Variants in ROBO2 observed in about 807,000 individuals in gnomAD.
ROBO2 encodes the protein roundabout homolog 2.
ROBO2 carries 53 observed loss-of-function variants against 160.8 expected under a neutral mutation model. The observed-to-expected ratio is 0.33, with a 90% confidence interval of 0.26 to 0.41. The LOEUF is 0.41. ROBO2 is among the 10% of genes least tolerant of loss of function. ROBO2 has a pLI of 1.00. For missense variants in ROBO2, 1,577 were observed against 1,722.4 expected (o/e 0.92, Z 1.49); for synonymous variants, 664 against 611.7 (o/e 1.09, Z -1.26).
At chr3:76,220,262 G>A (rs959627462) in intron 2 of ROBO2, among the ~76,000 whole-genome samples, 32 of 151,502 alleles carry the variant, frequency 2.1e-4, no homozygotes, top group Admixed American at 1.9e-3. Context: ...CACCAGCATG[G>A]CACATGTATA....
intron 1 of ROBO2, among the ~76,000 whole-genome samples, chr3:75,926,461 A>G (rs1456693118): frequency 6.6e-6 from 1 of 152,176 alleles, no homozygotes; most frequent in African/African-American, 2.4e-5. Context: ...TAGATTCACA[A>G]ATTGAAATTA....
chr3:77,574,486 CTA>C lies in ROBO2; in HGVS notation c.1972-11_1972-10del. On this transcript the variant is annotated splice_polypyrimidine_tract_variant and intron_variant, in intron 13 of 25. Coordinates refer to ENST00000461745, the Ensembl canonical transcript of ROBO2. Reference sequence around the variant, plus strand: ...TTCCTTTAGTTTCAAATGCCCTTAACTATGTTTTTCAGGTTGATCGCCAACCC... The same window carrying C: ...TTCCTTTAGTTTCAAATGCCCTTAACTGTTTTTCAGGTTGATCGCCAACCC... 6.2e-7 allele frequency: 1 copy of C among 1,607,882 alleles called. No individual in the cohort carries two copies. Among genetic ancestry groups the C allele is most frequent in the Non-Finnish European group, 8.5e-7 (1 of 1,174,690 alleles).
chr3:76,529,035 G>A (rs2082092318), intron 2 of ROBO2, among the ~76,000 whole-genome samples: 1 of 152,154 alleles, frequency 6.6e-6, no homozygotes, highest in Non-Finnish European at 1.5e-5. Flanking sequence ...ATAGAGTGTG[G>A]TGGTGAGAAA....
Position 77,055,529 on chromosome 3 carries a change from G to A in ROBO2, c.61+14683G>A, listed in dbSNP as rs114066897. Among the ~76,000 whole-genome samples, 1,025 of 152,214 alleles carry A rather than the reference G, an allele frequency of 6.7e-3. 7 individuals carry two copies. Among genetic ancestry groups the A allele is most frequent in the African/African-American group, 0.023 (957 of 41,536 alleles). ...CCTTTTTGCCTTGATTTTCTAACAC[G>A]TCATCCTGTCACAGGATTTCTGCAT... On this transcript the variant is annotated intron_variant, in intron 1 of 25. Transcript: ENST00000461745.
intron 2 of ROBO2, among the ~76,000 whole-genome samples, chr3:76,811,063 G>A (rs2065122532): frequency 6.6e-6 from 1 of 152,104 alleles, no homozygotes; most frequent in African/African-American, 2.4e-5. Flanking sequence ...TCATAGTGTT[G>A]CATGACTAAT....
chr3:77,549,690 G>C (rs1251413916), intron 7 of ROBO2, among the ~76,000 whole-genome samples: 1 of 151,930 alleles, frequency 6.6e-6, no homozygotes, highest in East Asian at 1.9e-4. Context: ...CAGGATTAAA[G>C]TCATTGAGCA....
intron 2 of ROBO2, among the ~76,000 whole-genome samples, chr3:76,951,776 C>G (rs1441608770): frequency 6.6e-6 from 1 of 152,124 alleles, no homozygotes. Context: ...TACTCCTAGA[C>G]TGATATATAC....
At chr3:77,387,768 T>G (rs1042389885) in intron 2 of ROBO2, among the ~76,000 whole-genome samples, 2 of 152,194 alleles carry the variant, frequency 1.3e-5, no homozygotes, top group African/African-American at 4.8e-5. Context: ...TCTTATCTTA[T>G]GTAAAGTGTC....
intron 2 of ROBO2, among the ~76,000 whole-genome samples, chr3:76,495,171 A>T (rs1334767164): frequency 1.3e-5 from 2 of 151,058 alleles, no homozygotes; most frequent in African/African-American, 2.4e-5. Context: ...TATACCATTA[A>T]TTTTTACAAA....
intron 2 of ROBO2, among the ~76,000 whole-genome samples, chr3:76,862,559 C>T (rs766474014): frequency 1.8e-4 from 28 of 152,090 alleles, no homozygotes; most frequent in South Asian, 6.2e-4. Context: ...TGATGATAAA[C>T]GGAAGGAATC....
intron 2 of ROBO2, among the ~76,000 whole-genome samples, chr3:76,914,622 A>G (rs146436039): frequency 1.8e-4 from 27 of 152,228 alleles, no homozygotes; most frequent in East Asian, 1.5e-3. Context: ...ATTTTTGTCA[A>G]TCGCTGGGAG....
At position 76,974,135 on chromosome 3, in the gene ROBO2, T is replaced by G. The variant is rs188146026; in HGVS notation, c.110-123879T>G. 1.7e-3 allele frequency among the ~76,000 whole-genome samples: 257 copies of G among 152,306 alleles called. 2 individuals are homozygous for G. The highest frequency in any genetic ancestry group is 5.7e-3 in the African/African-American group (237 of 41,564). ...TATAGCAAATAAAATTATCTTTTAT[T>G]TGAAGGACAACAAAGTGTGGCAATC... On this transcript the variant is annotated intron_variant, in intron 2 of 26. Transcript: ENST00000487694.
chr3:77,371,510 A>G (rs1290172468), intron 2 of ROBO2, among the ~76,000 whole-genome samples: 1 of 152,204 alleles, frequency 6.6e-6, no homozygotes, highest in Non-Finnish European at 1.5e-5. Context: ...TTACTTACAT[A>G]CAAGGGCTAT....
At position 77,245,688 on chromosome 3, in the gene ROBO2, G is replaced by A. The variant is rs1305202828; in HGVS notation, c.388+147348G>A. On this transcript the variant is annotated intron_variant, in intron 2 of 25. Coordinates refer to ENST00000461745, the Ensembl canonical transcript of ROBO2. ...TATGGTTTCTGATTCTCATTCGAGTGAGGGAAAAACTCTGCCATTTTCTTC... is the reference window on the plus strand; with the variant it reads ...TATGGTTTCTGATTCTCATTCGAGTAAGGGAAAAACTCTGCCATTTTCTTC... 2.0e-5 allele frequency among the ~76,000 whole-genome samples: 3 copies of A among 152,202 alleles called. No homozygotes were observed. In the East Asian group the frequency reaches 5.8e-4, roughly 29 times the overall value.
At chr3:76,798,718 C>G (rs2063964024) in intron 2 of ROBO2, among the ~76,000 whole-genome samples, 1 of 152,024 alleles carries the variant, frequency 6.6e-6, no homozygotes, top group African/African-American at 2.4e-5. Flanking sequence ...AAGGCAAACC[C>G]TGCCTCTATT....
chr3:77,273,042 A>G (rs1203174837), intron 2 of ROBO2, among the ~76,000 whole-genome samples: 1 of 152,168 alleles, frequency 6.6e-6, no homozygotes, highest in Non-Finnish European at 1.5e-5. Flanking sequence ...AAGTTTGGGT[A>G]TGAATGATCC....
chr3:76,323,782 T>C (rs1326243574), intron 2 of ROBO2, among the ~76,000 whole-genome samples: 4 of 152,184 alleles, frequency 2.6e-5, no homozygotes, highest in Non-Finnish European at 5.9e-5. Flanking sequence ...TTTTAATTTT[T>C]CATATGTATC....
At chr3:77,084,947 G>A (rs375969864) in intron 1 of ROBO2, among the ~76,000 whole-genome samples, 61 of 152,182 alleles carry the variant, frequency 4.0e-4, no homozygotes, top group Middle Eastern at 3.4e-3. Flanking sequence ...CAGCAGTGAT[G>A]TTATCTGCTG....
intron 2 of ROBO2, among the ~76,000 whole-genome samples, chr3:76,752,828 T>C (rs1361337317): frequency 6.6e-6 from 1 of 151,876 alleles, no homozygotes; most frequent in Non-Finnish European, 1.5e-5. Context: ...AAAAAAAACT[T>C]CTAAGGCTTT....
Sources: allele counts gnomAD v4.1 joint callset (sites outside exome capture counted in the v4.1 genomes callset), GRCh38; gene constraint gnomAD v4.1.1; transcripts MANE v1.5; gene names NCBI Gene and HGNC (gene_info 2026-07-23, HGNC 2026-07-21).